Variants in TRIM26 observed in about 807,000 individuals in gnomAD.
TRIM26 encodes the protein tripartite motif containing 26, also known as tripartite motif-containing protein 26.
TRIM26 carries 16 observed loss-of-function variants against 45.5 expected under a neutral mutation model. That is an observed-to-expected ratio of 0.35 (90% CI 0.24 to 0.53). The LOEUF (loss-of-function observed/expected upper bound fraction) is 0.53, where lower values mean the gene tolerates loss of function less well. Ranked by LOEUF, TRIM26 falls within the 20% of genes least tolerant of loss-of-function variation. The pLI is 0.92. For missense variants in TRIM26, 442 were observed against 691.1 expected (o/e 0.64, Z 4.04); for synonymous variants, 273 against 290.4 (o/e 0.94, Z 0.61).
Position 30,209,445 on chromosome 6 carries a change from G to T in TRIM26, c.-376+3860C>A, listed in dbSNP as rs576872180. 1.3e-5 allele frequency among the ~76,000 whole-genome samples: 2 copies of T among 152,158 alleles called. No individual in the cohort carries two copies. Among genetic ancestry groups the T allele is most frequent in the Non-Finnish European group, 2.9e-5 (2 of 68,030 alleles). ...TATTAAGAGGTGGGGTCTTTAAGACGTGACTGGGTCATGAGGGTGTAACTC... is the reference window on the plus strand; with the variant it reads ...TATTAAGAGGTGGGGTCTTTAAGACTTGACTGGGTCATGAGGGTGTAACTC... On this transcript the variant is annotated intron_variant, in intron 1 of 9. Transcript: ENST00000454678. The surrounding 1 kb of genome is among the most constrained non-coding windows in gnomAD (Gnocchi z 4.8).
At chr6:30,212,170 G>T (rs1011398250) in intron 1 of TRIM26, among the ~76,000 whole-genome samples, 4 of 152,146 alleles carry the variant, frequency 2.6e-5, no homozygotes, top group African/African-American at 9.7e-5. Context: ...CCCAGTCTTA[G>T]GAGAAAAACA....
In TRIM26 at chr6:30,189,236, G is replaced by GA; in HGVS notation, c.905-38dup. 6.2e-7 allele frequency: 1 copy of GA among 1,612,872 alleles called. No individual in the cohort carries two copies. Among genetic ancestry groups the GA allele is most frequent in the Non-Finnish European group, 8.5e-7 (1 of 1,179,930 alleles). On this transcript the variant is annotated intron_variant, in intron 8 of 9. Transcript: ENST00000454678. The surrounding 1 kb of genome is among the most constrained non-coding windows in gnomAD (Gnocchi z 5.0). ...AAAGGACAGCAATGACTCAAGTCCC[G>GA]AAAATTTATGAGCCCATTTCTTGCT...
At position 30,196,179 on chromosome 6, in the gene TRIM26, T is replaced by C. The variant is rs1260052278; in HGVS notation, c.765+337A>G. 6.6e-6 allele frequency among the ~76,000 whole-genome samples: 1 copy of C among 152,190 alleles called. No homozygotes were observed. The highest frequency in any genetic ancestry group is 1.5e-5 in the Non-Finnish European group (1 of 68,026). ...TAAAAAGCTTCCACCAGCTGCTAAG[T>C]GTCTGCCAATGACTTGTTAAGAGGG... On this transcript the variant is annotated intron_variant, in intron 6 of 9. Transcript: ENST00000454678. The surrounding 1 kb of genome is among the most constrained non-coding windows in gnomAD (Gnocchi z 4.9).
Position 30,199,238 on chromosome 6 carries a change from C to A in TRIM26, c.-135G>T. 1.3e-6 allele frequency: 1 copy of A among 754,782 alleles called. No individual in the cohort carries two copies. The highest frequency in any genetic ancestry group is 2.3e-5 in the South Asian group (1 of 43,658). 46.8% of individuals were successfully genotyped at this position (754,782 alleles called of 1,614,324 possible). On this transcript the variant is annotated 5_prime_UTR_variant, in exon 4 of 10. Transcript: ENST00000454678. The stretch of plus-strand genomic sequence containing the variant: ...GCACAGGGCTGCCAGCTCCAGCACT[C>A]AGTCAATCGACAGACACCACCAGCT...
At position 30,209,653 on chromosome 6, in the gene TRIM26, G is replaced by C. The variant is rs1581731294; in HGVS notation, c.-376+3652C>G. ...GCATATTTCCTAAAAAGTGCTGCCA[G>C]GATCATCCTTCTAGCACACAGGATC... On this transcript the variant is annotated intron_variant, in intron 1 of 9. Transcript: ENST00000454678. This position sits in a 1 kb window ranked among gnomAD's most constrained non-coding sequence, Gnocchi z 4.8. 6.6e-6 allele frequency among the ~76,000 whole-genome samples: 1 copy of C among 152,182 alleles called. No homozygotes were observed. The highest frequency in any genetic ancestry group is 1.9e-4 in the East Asian group (1 of 5,166).
In TRIM26 at chr6:30,198,825, G is replaced by A. The variant is rs1295056159; in HGVS notation, c.279C>T (p.Thr93=). The A allele has an allele frequency of 1.2e-6, 2 of 1,612,214 alleles. No homozygotes were observed. The highest frequency in any genetic ancestry group is 2.7e-5 in the African/African-American group (2 of 74,872). ...VDKGRQPGEV[T]REQQDAKLCE... is the part of the protein sequence containing the mutation. ...ACAACTTTGCATCCTGCTGCTCCCG[G>A]GTCACCTCTCCCGGCTGCCTGCCCT... is the stretch of plus-strand genomic sequence containing the variant. Residue 93 remains threonine (T), a synonymous_variant, in exon 4 of 10, where the codon ACC becomes ACT. Transcript: ENST00000454678. The surrounding 1 kb of genome is among the most constrained non-coding windows in gnomAD (Gnocchi z 6.3).
Position 30,197,537 on chromosome 6 carries a change from C to T in TRIM26, c.535-791G>A, listed in dbSNP as rs145878527. ...CCATTTGATCAGTTCCCCCCAACCCCATCTCTAATCAAGTACATAATGTGC... is the reference window on the plus strand; with the variant it reads ...CCATTTGATCAGTTCCCCCCAACCCTATCTCTAATCAAGTACATAATGTGC... On this transcript the variant is annotated intron_variant, in intron 5 of 9. Coordinates refer to ENST00000454678, the MANE Select transcript of TRIM26 (RefSeq NM_003449.5). Among the ~76,000 whole-genome samples, 676 of 152,316 alleles carry T rather than the reference C, an allele frequency of 4.4e-3. 2 individuals are homozygous for T. Among genetic ancestry groups the T allele is most frequent in the African/African-American group, 0.011 (477 of 41,564 alleles).
intron 6 of TRIM26, among the ~76,000 whole-genome samples, chr6:30,195,757 G>A (rs1045749094): frequency 6.6e-6 from 1 of 152,122 alleles, no homozygotes; most frequent in Non-Finnish European, 1.5e-5. Context: ...CAGTGCAAGT[G>A]GGGGAATACC....
intron 2 of TRIM26, among the ~76,000 whole-genome samples, 155 bp from the exon 3 acceptor site, chr6:30,201,293 G>A (rs189359696): frequency 1.3e-3 from 194 of 152,266 alleles, no homozygotes; most frequent in Non-Finnish European, 2.4e-3. Context: ...GGGATATAAC[G>A]TCCACTCATT....
At chr6:30,193,162 G>GTGTATATA (rs1461878897) in intron 6 of TRIM26, among the ~76,000 whole-genome samples, 1 of 32,002 alleles carries the variant, frequency 3.1e-5, no homozygotes, top group Non-Finnish European at 4.8e-5. Flanking sequence ...GTGTGTGTGT[G>GTGTATATA]TATATATATA....
At position 30,185,875 on chromosome 6, in the gene TRIM26, C is replaced by T; in HGVS notation, c.*1G>A. 6.2e-7 allele frequency: 1 copy of T among 1,608,608 alleles called. No individual in the cohort carries two copies. Among genetic ancestry groups the T allele is most frequent in the East Asian group, 2.2e-5 (1 of 44,822 alleles). Reference sequence around the variant, plus strand: ...TTGGGGCTGGGGGCAGATGTCAGGGCTCAGGGTCTTAGCAGGAGGCGTGTT... The same window carrying T: ...TTGGGGCTGGGGGCAGATGTCAGGGTTCAGGGTCTTAGCAGGAGGCGTGTT... On this transcript the variant is annotated 3_prime_UTR_variant, in exon 10 of 10. Transcript: ENST00000454678. The surrounding 1 kb of genome is among the most constrained non-coding windows in gnomAD (Gnocchi z 5.7).
chr6:30,212,730 G>A (rs73430471), intron 1 of TRIM26, among the ~76,000 whole-genome samples: 2 of 152,126 alleles, frequency 1.3e-5, no homozygotes, highest in African/African-American at 4.8e-5. Context: ...CACACAAATC[G>A]TGGGTCAAAA....
chr6:30,212,915 CAAAAAA>C (rs3059548), intron 1 of TRIM26, among the ~76,000 whole-genome samples: 2 of 130,294 alleles, frequency 1.5e-5, no homozygotes, highest in Admixed American at 7.6e-5. Flanking sequence ...TTACTCCGAA[CAAAAAA>C]AAAAAAAAAA....
At position 30,189,330 on chromosome 6, in the gene TRIM26, A is replaced by G; in HGVS notation, c.904+88T>C. 6.4e-7 allele frequency: 1 copy of G among 1,570,574 alleles called. No homozygotes were observed. Among genetic ancestry groups the G allele is most frequent in the Non-Finnish European group, 8.8e-7 (1 of 1,141,756 alleles). On this transcript the variant is annotated intron_variant, in intron 8 of 9. Transcript: ENST00000454678. The surrounding 1 kb of genome is among the most constrained non-coding windows in gnomAD (Gnocchi z 5.0). Reference sequence around the variant, plus strand: ...GAGGCCCTCAGAAGAGTGAGGATCGACAAGGTGATGGAAAGGAGCTGGGTG... The same window carrying G: ...GAGGCCCTCAGAAGAGTGAGGATCGGCAAGGTGATGGAAAGGAGCTGGGTG...
rs59539207 is a variant in TRIM26 at position 30,186,302 on chromosome 6, TTCC to T, written c.1191_1193del (p.Glu400del). The T allele has an allele frequency of 1.6e-4, 254 of 1,603,340 alleles. 1 individual carries two copies. Among genetic ancestry groups the T allele is most frequent in the African/African-American group, 9.6e-4 (72 of 74,788 alleles). On this transcript the variant is annotated inframe_deletion, in exon 10 of 10. Transcript: ENST00000454678. This position sits in a 1 kb window ranked among gnomAD's most constrained non-coding sequence, Gnocchi z 7.4. ...ATCCATCCCCATAGCCGGCCTCCTC[TTCC>T]TCCTCCTCCTCTTCTCCCTCTTCCT...
In TRIM26 at chr6:30,186,597, G is replaced by T; in HGVS notation, c.938-39C>A. The stretch of plus-strand genomic sequence containing the variant: ...GGAAAAAAAAAAAAACAGCATCACT[G>T]TTTTGTTTTGTTTTTTAAGTCAGAG... On this transcript the variant is annotated intron_variant, in intron 9 of 9. Coordinates refer to ENST00000454678, the MANE Select transcript of TRIM26 (RefSeq NM_003449.5). The surrounding 1 kb of genome is among the most constrained non-coding windows in gnomAD (Gnocchi z 7.4). 2 of 1,487,060 alleles carry T rather than the reference G, an allele frequency of 1.3e-6. No homozygotes were observed. The highest frequency in any genetic ancestry group is 1.4e-5 in the South Asian group (1 of 69,372). The allele number at this position is 1,487,060 out of a possible 1,614,324, so 92.1% of individuals were successfully genotyped here. A position where few individuals can be genotyped will look rare whatever the true frequency, so the allele number is the denominator to read the frequency against.
chr6:30,211,251 C>T (rs898939579), intron 1 of TRIM26, among the ~76,000 whole-genome samples: 2 of 152,178 alleles, frequency 1.3e-5, no homozygotes, highest in Non-Finnish European at 2.9e-5. Context: ...ACCTAGATAT[C>T]TCTTGGCCTC....
Position 30,186,950 on chromosome 6 carries a change from A to T in TRIM26, c.938-392T>A, listed in dbSNP as rs973650225. On this transcript the variant is annotated intron_variant, in intron 9 of 9. Coordinates refer to ENST00000454678, the MANE Select transcript of TRIM26 (RefSeq NM_003449.5). The surrounding 1 kb of genome is among the most constrained non-coding windows in gnomAD (Gnocchi z 7.4). ...CATTTTCTTCATAATCCAGAAAAAA[A>T]GTCCTCTTTTTCAAGTAACTCTTGA... 4.0e-6 allele frequency: 2 copies of T among 505,832 alleles called. No homozygotes were observed. Among genetic ancestry groups the T allele is most frequent in the Non-Finnish European group, 7.2e-6 (2 of 277,076 alleles). 31.3% of individuals were successfully genotyped at this position (505,832 alleles called of 1,614,324 possible).
At chr6:30,188,978 C>T (rs1193886229) in intron 9 of TRIM26, among the ~76,000 whole-genome samples, 189 bp downstream of exon 9, 1 of 151,962 alleles carries the variant, frequency 6.6e-6, no homozygotes, top group Non-Finnish European at 1.5e-5. Flanking sequence ...CAAGCAGAGG[C>T]CTCTACTGCA....
Sources: gnomAD v4.1 joint callset for allele counts (sites outside exome capture counted in the v4.1 genomes callset) on GRCh38, gnomAD v4.1.1 for gene constraint, Gnocchi (gnomAD v3.1) non-coding constraint, MANE v1.5 for transcripts, NCBI Gene and HGNC (gene_info 2026-07-23, HGNC 2026-07-21) for gene names.